Variants in ADAM12 observed in about 807,000 individuals in gnomAD.
The protein encoded by ADAM12 is ADAM metallopeptidase domain 12.
A neutral mutation model predicts 106.4 loss-of-function variants in ADAM12; 70 were observed. That is an observed-to-expected ratio of 0.66 (90% CI 0.54 to 0.80). The LOEUF is 0.80. ADAM12 is among the 30% of genes least tolerant of loss of function. ADAM12 has a pLI of 0.00. For synonymous variants in ADAM12, 420 were observed against 433.5 expected (o/e 0.97, Z 0.39); for missense variants, 1,010 against 1,171.9 (o/e 0.86, Z 2.02).
chr10:126,220,182 C>T (rs900211993), intron 3 of ADAM12, among the ~76,000 whole-genome samples: 6 of 152,196 alleles, frequency 3.9e-5, no homozygotes, highest in Non-Finnish European at 8.8e-5. Flanking sequence ...CAATGTGAAA[C>T]GTGACTAGGG....
At chr10:126,079,813 A>G (rs1308960439) in intron 11 of ADAM12, among the ~76,000 whole-genome samples, 2 of 152,208 alleles carry the variant, frequency 1.3e-5, no homozygotes, top group South Asian at 2.1e-4. Context: ...TTGTGATCAC[A>G]TGAAAGATGT....
chr10:126,132,630 A>AT (rs2133669032), intron 5 of ADAM12, among the ~76,000 whole-genome samples: 1 of 151,004 alleles, frequency 6.6e-6, no homozygotes, highest in Non-Finnish European at 1.5e-5. Context: ...AGGTCACTGC[A>AT]TTTGTTTACT....
chr10:126,058,228 T>C (rs909375110), intron 14 of ADAM12, among the ~76,000 whole-genome samples: 2 of 152,250 alleles, frequency 1.3e-5, no homozygotes, highest in African/African-American at 2.4e-5. Flanking sequence ...GGCTCCTACC[T>C]GTGGGCAGGG....
intron 3 of ADAM12, among the ~76,000 whole-genome samples, chr10:126,156,735 C>T (rs1233619966): frequency 2.0e-5 from 3 of 152,312 alleles, no homozygotes; most frequent in South Asian, 4.2e-4. Flanking sequence ...AACTACTGGG[C>T]CCTAACGATG....
intron 14 of ADAM12, among the ~76,000 whole-genome samples, chr10:126,050,710 G>T (rs927241239): frequency 1.3e-5 from 2 of 152,082 alleles, no homozygotes; most frequent in African/African-American, 4.8e-5. Flanking sequence ...ATCCCCCTTC[G>T]TTAGCCTGCA....
chr10:126,311,342 A>G (rs555246422), intron 2 of ADAM12, among the ~76,000 whole-genome samples: 1 of 152,302 alleles, frequency 6.6e-6, no homozygotes, highest in South Asian at 2.1e-4. Flanking sequence ...TCTAATCTCC[A>G]AAAAACAATT....
At chr10:126,274,077 T>C (rs1024822547) in intron 3 of ADAM12, among the ~76,000 whole-genome samples, 15 of 152,210 alleles carry the variant, frequency 9.9e-5, no homozygotes, top group African/African-American at 3.6e-4. Context: ...GGAACTCACT[T>C]CTGGCTTGGT....
At chr10:126,373,925 A>T (rs1038240677) in intron 1 of ADAM12, among the ~76,000 whole-genome samples, 1 of 152,220 alleles carries the variant, frequency 6.6e-6, no homozygotes, top group Non-Finnish European at 1.5e-5. Context: ...AGGAGGTATG[A>T]TCTTGAACAC....
rs577186978 is a variant in ADAM12, at chr10:126,045,606, C to T, written c.1995+449G>A. ...AAGGTTCTCTGAACTAAAATAACAG[C>T]CTTCTTTAGTTGAAACCCATTGTGT... On this transcript the variant is annotated intron_variant, in intron 17 of 22. Transcript: ENST00000448723. Among the ~76,000 whole-genome samples, 3 of 152,262 alleles carry T rather than the reference C, an allele frequency of 2.0e-5. No homozygotes were observed. In the South Asian group the frequency reaches 6.2e-4, roughly 32 times the overall value.
intron 12 of ADAM12, among the ~76,000 whole-genome samples, chr10:126,069,028 T>C (rs1954930104): frequency 1.3e-5 from 2 of 152,160 alleles, no homozygotes; most frequent in African/African-American, 4.8e-5. Flanking sequence ...CCTGATGTCG[T>C]AACACACTGG....
At chr10:126,082,953 C>G (rs1955258008) in intron 11 of ADAM12, among the ~76,000 whole-genome samples, 1 of 152,196 alleles carries the variant, frequency 6.6e-6, no homozygotes, top group South Asian at 2.1e-4. Flanking sequence ...TTATGCCCAA[C>G]AATAAAAACT....
intron 21 of ADAM12, among the ~76,000 whole-genome samples, chr10:126,035,537 C>G (rs767093573): frequency 2.0e-5 from 3 of 152,054 alleles, no homozygotes; most frequent in Admixed American, 2.0e-4. Context: ...ATATTAATAG[C>G]AGTGAAAAAT....
intron 3 of ADAM12, among the ~76,000 whole-genome samples, chr10:126,186,171 A>G (rs2930121): frequency 0.24 from 35,818 of 152,076 alleles, 9,103 homozygotes; most frequent in African/African-American, 0.64. Context: ...CTTGACTGCT[A>G]CCTTCTAACT....
chr10:126,046,236 G>A (rs1469026678), intron 16 of ADAM12, 104 bp from the exon 17 acceptor site: 6 of 1,032,168 alleles, frequency 5.8e-6, no homozygotes, highest in Admixed American at 1.8e-5. Context: ...AGAAAGCTTG[G>A]AGAAGACCCA....
chr10:126,248,208 G>A (rs996700902), intron 3 of ADAM12, among the ~76,000 whole-genome samples: 2 of 152,294 alleles, frequency 1.3e-5, no homozygotes, highest in Admixed American at 1.3e-4. Flanking sequence ...CATAATTCAC[G>A]TATTCTTTCC....
At chr10:126,023,975 T>A (rs1953819573) in intron 21 of ADAM12, among the ~76,000 whole-genome samples, 1 of 151,322 alleles carries the variant, frequency 6.6e-6, no homozygotes, top group South Asian at 2.1e-4. Context: ...ACTTCAGCAG[T>A]AACATATCCA....
At chr10:126,265,018 G>A (rs1166888722) in intron 3 of ADAM12, among the ~76,000 whole-genome samples, 1 of 152,160 alleles carries the variant, frequency 6.6e-6, no homozygotes, top group Non-Finnish European at 1.5e-5. Context: ...GTAATTTATG[G>A]TTCAATGTGA....
intron 21 of ADAM12, among the ~76,000 whole-genome samples, chr10:126,026,208 A>G (rs1276180824): frequency 3.3e-5 from 5 of 152,228 alleles, no homozygotes; most frequent in Non-Finnish European, 7.3e-5. Context: ...TTTCTGACAA[A>G]ACAGACTTTA....
chr10:126,035,855 C>T (rs1042613094), intron 21 of ADAM12, among the ~76,000 whole-genome samples: 1 of 151,960 alleles, frequency 6.6e-6, no homozygotes, highest in Non-Finnish European at 1.5e-5. Context: ...ATTACTAGTC[C>T]CTCTGCTATT....
Sources: gnomAD v4.1 joint callset for allele counts (sites outside exome capture counted in the v4.1 genomes callset) on GRCh38, gnomAD v4.1.1 for gene constraint, MANE v1.5 for transcripts, NCBI Gene and HGNC (gene_info 2026-07-23, HGNC 2026-07-21) for gene names.